The following COPG2 variants were observed in gnomAD, a reference collection of about 807,000 sequenced individuals.
COPG2 encodes the protein coatomer subunit gamma-2.
COPG2 carries 37 observed loss-of-function variants against 46.3 expected under a neutral mutation model. The observed-to-expected ratio is 0.80, with a 90% CI of 0.61 to 1.05. The LOEUF (loss-of-function observed/expected upper bound fraction) is 1.05. COPG2 is among the 50% of genes least tolerant of loss of function. COPG2 has a pLI of 0.00. For missense variants in COPG2, 427 were observed against 387.8 expected (o/e 1.10, Z -0.85); for synonymous variants, 159 against 129.7 (o/e 1.23, Z -1.53).
intron 7 of COPG2, among the ~76,000 whole-genome samples, chr7:130,613,312 C>T (rs920937338): frequency 6.6e-6 from 1 of 152,244 alleles, no homozygotes. Flanking sequence ...GCTCGCTTGC[C>T]TGCCACTCAC....
intron 20 of COPG2, among the ~76,000 whole-genome samples, chr7:130,525,908 C>T (rs966077075): frequency 4.0e-5 from 6 of 149,360 alleles, no homozygotes; most frequent in Non-Finnish European, 7.4e-5. Context: ...TTAAATTCTA[C>T]ACACGGGTGT....
intron 1 of COPG2, among the ~76,000 whole-genome samples, chr7:130,667,919 T>C (rs1480141661): frequency 6.6e-6 from 1 of 152,160 alleles, no homozygotes; most frequent in Non-Finnish European, 1.5e-5. Flanking sequence ...AGAAACGAAG[T>C]TTCCCAGAGA....
intron 4 of COPG2, among the ~76,000 whole-genome samples, chr7:130,661,376 T>C (rs937993877): frequency 6.6e-6 from 1 of 152,214 alleles, no homozygotes; most frequent in Non-Finnish European, 1.5e-5. Flanking sequence ...TAGCCTTCCA[T>C]GACTTATGTA....
intron 5 of COPG2, among the ~76,000 whole-genome samples, chr7:130,647,379 A>C (rs1303141987): frequency 1.3e-5 from 2 of 152,070 alleles, no homozygotes; most frequent in Admixed American, 6.6e-5. Flanking sequence ...GACTAATACA[A>C]ACTCCATGGA....
chr7:130,513,679 C>T (rs1256645513), intron 20 of COPG2, among the ~76,000 whole-genome samples: 1 of 151,892 alleles, frequency 6.6e-6, no homozygotes, highest in Non-Finnish European at 1.5e-5. Context: ...TGGATTCTTG[C>T]CATAGGCAGT....
intron 4 of COPG2, among the ~76,000 whole-genome samples, chr7:130,655,723 C>T (rs1194685841): frequency 1.3e-5 from 2 of 152,164 alleles, no homozygotes; most frequent in African/African-American, 2.4e-5. Context: ...TGATCTAGTA[C>T]AATCCTAGGG....
chr7:130,506,969 A>C (rs1033727733), intron 23 of COPG2, among the ~76,000 whole-genome samples, 163 bp from the exon 24 acceptor site: 14 of 152,222 alleles, frequency 9.2e-5, no homozygotes, highest in Admixed American at 8.5e-4. Flanking sequence ...CCAAATATAT[A>C]TATTTTTATA....
chr7:130,586,646 TAG>T (rs2116450811), intron 9 of COPG2, among the ~76,000 whole-genome samples: 1 of 151,982 alleles, frequency 6.6e-6, no homozygotes, highest in East Asian at 1.9e-4. Context: ...GGATTTTTAG[TAG>T]AGACAGCATT....
chr7:130,611,817 G>A (rs1794854599), intron 8 of COPG2, among the ~76,000 whole-genome samples: 1 of 152,114 alleles, frequency 6.6e-6, no homozygotes, highest in African/African-American at 2.4e-5. Context: ...TTTTTATAAT[G>A]CCTATAATCA....
intron 20 of COPG2, among the ~76,000 whole-genome samples, chr7:130,520,886 C>T (rs1014909223): frequency 8.5e-4 from 129 of 152,104 alleles, no homozygotes; most frequent in Middle Eastern, 3.4e-3. Flanking sequence ...AGTAGGAGAC[C>T]ATTTTGTATT....
chr7:130,643,481 G>C (rs1377531068), intron 5 of COPG2, among the ~76,000 whole-genome samples: 1 of 152,134 alleles, frequency 6.6e-6, no homozygotes, highest in Non-Finnish European at 1.5e-5. Context: ...GGAGCCAGGA[G>C]TAGATAACTT....
chr7:130,509,691 T>A (rs782543069), intron 20 of COPG2: 1 of 519,656 alleles, frequency 1.9e-6, no homozygotes. Flanking sequence ...GATAAAAAGA[T>A]GACTGAGACA....
intron 20 of COPG2, among the ~76,000 whole-genome samples, chr7:130,513,387 G>A (rs1468721637): frequency 1.5e-4 from 16 of 105,452 alleles, no homozygotes; most frequent in African/African-American, 5.1e-4. Flanking sequence ...GTGTGTGTGT[G>A]TGTATATATA....
At chr7:130,642,177 G>A (rs561732084) in intron 5 of COPG2, among the ~76,000 whole-genome samples, 8 of 151,898 alleles carry the variant, frequency 5.3e-5, no homozygotes, top group African/African-American at 1.5e-4. Flanking sequence ...ATGCCTTCTT[G>A]TAATGAGTAG....
At chr7:130,626,839 T>C (rs1795129614) in intron 5 of COPG2, among the ~76,000 whole-genome samples, 1 of 152,164 alleles carries the variant, frequency 6.6e-6, no homozygotes, top group African/African-American at 2.4e-5. Context: ...GTTGTGGTGG[T>C]CCTTTTAAAT....
At chr7:130,651,281 G>T (rs1319119126) in intron 5 of COPG2, among the ~76,000 whole-genome samples, 1 of 151,704 alleles carries the variant, frequency 6.6e-6, no homozygotes, top group African/African-American at 2.4e-5. Context: ...AGATAAGTCT[G>T]TATAACTTCT....
chr7:130,522,271 T>C (rs1251322220), intron 20 of COPG2, among the ~76,000 whole-genome samples: 3 of 152,026 alleles, frequency 2.0e-5, no homozygotes, highest in Admixed American at 1.3e-4. Context: ...AATGAAAAGA[T>C]AGGAAAGATG....
Position 130,652,939 on chromosome 7 carries a change from T to C in COPG2, c.253A>G (p.Arg85Gly). Reference sequence around the variant, plus strand: ...TTGATGGTAAGGTAGCACATTCTCCTCAATGTTTGCTGAAAAATCATTTAT... The same window carrying C: ...TTGATGGTAAGGTAGCACATTCTCCCCAATGTTTGCTGAAAAATCATTTAT... ...RLFQSNDQTLRRMCYLTIKEM... is the reference protein window; with the variant it reads ...RLFQSNDQTLGRMCYLTIKEM... The change falls in exon 5 of 24, where the codon AGG (arginine) becomes GGG (glycine). Residue 85 changes from arginine (R) to glycine (G), a missense_variant. Coordinates refer to ENST00000425248, the MANE Select transcript of COPG2 (RefSeq NM_012133.6). The C allele has an allele frequency of 6.3e-7, 1 of 1,597,652 alleles. No individual in the cohort carries two copies. The highest frequency in any genetic ancestry group is 8.6e-7 in the Non-Finnish European group (1 of 1,169,358).
intron 6 of COPG2, among the ~76,000 whole-genome samples, chr7:130,614,320 A>T (rs1313055928): frequency 6.6e-6 from 1 of 152,260 alleles, no homozygotes; most frequent in Admixed American, 6.5e-5. Context: ...ATAAAAAACA[A>T]TCACAACAGA....
Sources: allele counts gnomAD v4.1 joint callset (sites outside exome capture counted in the v4.1 genomes callset), GRCh38; gene constraint gnomAD v4.1.1; transcripts MANE v1.5; gene names NCBI Gene and HGNC (gene_info 2026-07-23, HGNC 2026-07-21).